The following ANK3 variants were observed in gnomAD, a reference collection of about 807,000 sequenced individuals.
ANK3 encodes the protein ankyrin 3.
A neutral mutation model predicts 370.9 loss-of-function variants in ANK3; 57 were observed. The observed-to-expected ratio is 0.15, with a 90% CI of 0.12 to 0.19. The LOEUF is 0.19. Ranked by LOEUF, ANK3 falls within the 10% of genes least tolerant of loss-of-function variation. The pLI, the probability that ANK3 is intolerant of heterozygous loss-of-function variation, is 1.00. For missense variants in ANK3, 4,439 were observed against 5,302.1 expected (o/e 0.84, Z 5.06); for synonymous variants, 1,929 against 1,946.3 (o/e 0.99, Z 0.23).
At chr10:60,180,089 G>A (rs377324032) in intron 18 of ANK3, among the ~76,000 whole-genome samples, 11 of 152,166 alleles carry the variant, frequency 7.2e-5, no homozygotes, top group South Asian at 4.2e-4. Context: ...ATTATTTCCC[G>A]ATGAAAGTAT....
chr10:60,247,140 C>T (rs10994277), intron 7 of ANK3, among the ~76,000 whole-genome samples: 15,997 of 152,042 alleles, frequency 0.11, 1,166 homozygotes, highest in East Asian at 0.28. Context: ...CTCAGCCTCC[C>T]GAGCAGGTGG....
At chr10:60,598,043 G>T (rs1026182899) in intron 2 of ANK3, among the ~76,000 whole-genome samples, 1 of 152,048 alleles carries the variant, frequency 6.6e-6, no homozygotes. Flanking sequence ...AAATAAATTT[G>T]GGCAGAAGTC....
At chr10:60,688,130 C>T (rs972056795) in intron 1 of ANK3, among the ~76,000 whole-genome samples, 4 of 151,816 alleles carry the variant, frequency 2.6e-5, no homozygotes, top group African/African-American at 4.8e-5. Flanking sequence ...AGTGCAGTGG[C>T]GTGGTCTCGG....
intron 21 of ANK3, among the ~76,000 whole-genome samples, chr10:60,171,461 T>C (rs1190883134): frequency 6.6e-6 from 1 of 152,166 alleles, no homozygotes; most frequent in Admixed American, 6.6e-5. Flanking sequence ...CTCCTTCATG[T>C]TGGAAGGTGG....
intron 42 of ANK3, chr10:60,053,569 T>G: frequency 1.2e-6 from 1 of 802,990 alleles, no homozygotes; most frequent in South Asian, 2.1e-5. Flanking sequence ...TTTAGTGAAT[T>G]ATCTAGGAAT....
intron 5 of ANK3, among the ~76,000 whole-genome samples, chr10:60,264,502 C>T (rs947447484): frequency 2.6e-5 from 4 of 151,538 alleles, no homozygotes; most frequent in Non-Finnish European, 2.9e-5. Flanking sequence ...AAAAATTGGC[C>T]GAGGGTGGTG....
At chr10:60,636,037 A>G (rs1009187851) in intron 1 of ANK3, among the ~76,000 whole-genome samples, 3 of 152,188 alleles carry the variant, frequency 2.0e-5, no homozygotes, top group Non-Finnish European at 4.4e-5. Context: ...GTAGCCCAAT[A>G]AATTCTGCTT....
chr10:60,269,802 C>G (rs1333384973), intron 5 of ANK3, among the ~76,000 whole-genome samples: 1 of 152,012 alleles, frequency 6.6e-6, no homozygotes, highest in Non-Finnish European at 1.5e-5. Context: ...TAGTTCACAT[C>G]AATTACTCCA....
intron 2 of ANK3, among the ~76,000 whole-genome samples, chr10:60,398,084 C>T (rs186911337): frequency 5.3e-5 from 8 of 152,214 alleles, no homozygotes; most frequent in Non-Finnish European, 1.5e-5. Flanking sequence ...CTCTATTGCA[C>T]CTAATGGACT....
intron 1 of ANK3, among the ~76,000 whole-genome samples, chr10:60,618,276 A>C (rs1403841284): frequency 6.6e-6 from 1 of 152,190 alleles, no homozygotes; most frequent in African/African-American, 2.4e-5. Context: ...AGCCAAAAAG[A>C]ATTGTTGTTT....
intron 1 of ANK3, among the ~76,000 whole-genome samples, chr10:60,724,987 C>A (rs944983001): frequency 6.6e-6 from 1 of 152,116 alleles, no homozygotes; most frequent in African/African-American, 2.4e-5. Context: ...TTTCTTTATT[C>A]CTTTTCATCT....
At chr10:60,437,493 C>A (rs2064187847) in intron 2 of ANK3, among the ~76,000 whole-genome samples, 1 of 152,176 alleles carries the variant, frequency 6.6e-6, no homozygotes, top group Admixed American at 6.5e-5. Flanking sequence ...GAGACAGGGA[C>A]TCAGGATCTG....
chr10:60,693,963 G>A (rs555704325), intron 1 of ANK3, among the ~76,000 whole-genome samples: 3 of 151,964 alleles, frequency 2.0e-5, no homozygotes, highest in Non-Finnish European at 4.4e-5. Context: ...GCTACGGGAG[G>A]ACATTCAAAC....
chr10:60,499,973 T>C (rs888186816), intron 2 of ANK3, among the ~76,000 whole-genome samples: 2 of 152,192 alleles, frequency 1.3e-5, no homozygotes, highest in Non-Finnish European at 2.9e-5. Flanking sequence ...TATTTACCTT[T>C]CACATCTTTC....
Position 60,249,330 on chromosome 10 carries a change from T to G in ANK3, c.798+12529A>C, listed in dbSNP as rs543341552. Among the ~76,000 whole-genome samples, 12 of 152,328 alleles carry G rather than the reference T, an allele frequency of 7.9e-5. No homozygotes were observed. In the East Asian group the frequency reaches 2.3e-3, roughly 29 times the overall value. ...TTCTAATGAATTTTATAACTTCAAT[T>G]AAAAAGTCCATCCCCTTTTGTTTTA... On this transcript the variant is annotated intron_variant, in intron 7 of 43. Transcript: ENST00000280772.
chr10:60,051,664 C>CTTTTTTTTTTT (rs35764181), intron 42 of ANK3: 3 of 151,752 alleles, frequency 2.0e-5, no homozygotes, highest in African/African-American at 3.3e-5. Flanking sequence ...ATGTTTTCTT[C>CTTTTTTTTTTT]TTTTTTTTTT....
rs2078070601 is a variant in ANK3 at position 60,601,977 on chromosome 10, C to T, written c.96+13209G>A. Among the ~76,000 whole-genome samples, 4 of 152,196 alleles carry T rather than the reference C, an allele frequency of 2.6e-5. No individual in the cohort carries two copies. The South Asian group carries it at 8.3e-4, about 32-fold the overall frequency. On this transcript the variant is annotated intron_variant, in intron 2 of 43. Coordinates refer to the ANK3 transcript ENST00000373827. Reference sequence around the variant, plus strand: ...GTATATAGATGCAGTCATAAAAAGCCTGTGTGCACAAACTTGCTTGTGCAT... The same window carrying T: ...GTATATAGATGCAGTCATAAAAAGCTTGTGTGCACAAACTTGCTTGTGCAT...
At chr10:60,233,877 A>G (rs2097288393) in intron 8 of ANK3, among the ~76,000 whole-genome samples, 1 of 152,160 alleles carries the variant, frequency 6.6e-6, no homozygotes, top group African/African-American at 2.4e-5. Context: ...TGCAGAACTA[A>G]AACTCTATAC....
chr10:60,504,271 C>G (rs2075876413), intron 2 of ANK3, among the ~76,000 whole-genome samples: 1 of 152,176 alleles, frequency 6.6e-6, no homozygotes, highest in African/African-American at 2.4e-5. Context: ...TTGCTCACAA[C>G]AGGGGCAATG....
Sources: allele counts gnomAD v4.1 joint callset (sites outside exome capture counted in the v4.1 genomes callset), GRCh38; gene constraint gnomAD v4.1.1; transcripts MANE v1.5; gene names NCBI Gene and HGNC (gene_info 2026-07-23, HGNC 2026-07-21).